CDC20B: variants seen among roughly 807,000 people sequenced by gnomAD.
CDC20B encodes the protein cell division cycle protein 20 homolog B.
Under a neutral mutation model 64.1 loss-of-function variants are expected in CDC20B, and 58 were observed. That is an observed-to-expected ratio of 0.90 (90% CI 0.73 to 1.13). CDC20B has a LOEUF of 1.13. CDC20B is among the 50% of genes most tolerant of loss of function. The pLI is 0.00. For synonymous variants in CDC20B, 243 were observed against 230.6 expected (o/e 1.05, Z -0.49); for missense variants, 597 against 633.0 (o/e 0.94, Z 0.61).
At chr5:55,144,635 G>A (rs530287114) in intron 3 of CDC20B, among the ~76,000 whole-genome samples, 1 of 152,316 alleles carries the variant, frequency 6.6e-6, no homozygotes, top group South Asian at 2.1e-4. Context: ...TCTTTGTCCT[G>A]AGAAATTATG....
chr5:55,160,428 C>T (rs1015089425), intron 2 of CDC20B: 1 of 1,546,186 alleles, frequency 6.5e-7, no homozygotes, highest in African/African-American at 1.4e-5. Context: ...TTATTGTTAT[C>T]ATTTTTCCTT....
Position 55,119,977 on chromosome 5 carries a change from T to C in CDC20B, c.1342-59A>G, listed in dbSNP as rs902957225. On this transcript the variant is annotated intron_variant, in intron 10 of 11. Transcript: ENST00000381375. ...AATTTCTGATTCCTTATGAATATAG[T>C]TAAACTGGTTACAGGCAGTATGCAC... is the stretch of plus-strand genomic sequence containing the variant. 4 of 1,254,130 alleles carry C rather than the reference T, an allele frequency of 3.2e-6. No individual in the cohort carries two copies. In the Admixed American group the frequency reaches 6.7e-5, roughly 21 times the overall value. 77.7% of individuals were successfully genotyped at this position (1,254,130 alleles called of 1,614,324 possible).
In CDC20B at chr5:55,172,633, C is replaced by T. The variant is rs763128998; in HGVS notation, c.81G>A (p.Val27=). ...EEMLWESIMR[V]LSKDLKQKRS... is the part of the protein sequence containing the mutation. ...TCTTCTGCTTCAAGTCTTTGGAGAG[C>T]ACACGCATGATACTTTCCTTTGAAA... The change falls in exon 2 of 12, where the codon GTG becomes GTA. Residue 27 remains valine, a synonymous_variant. Transcript: ENST00000381375. 6.2e-7 allele frequency: 1 copy of T among 1,612,372 alleles called. No individual in the cohort carries two copies. Among genetic ancestry groups the T allele is most frequent in the South Asian group, 1.1e-5 (1 of 91,042 alleles).
At chr5:55,119,553 C>T (rs1742706769) in intron 11 of CDC20B, among the ~76,000 whole-genome samples, 1 of 152,136 alleles carries the variant, frequency 6.6e-6, no homozygotes, top group African/African-American at 2.4e-5. Flanking sequence ...CCCAAGATCA[C>T]CACTCCATCA....
At chr5:55,132,501 C>T (rs1725213184) in intron 6 of CDC20B, among the ~76,000 whole-genome samples, 1 of 152,216 alleles carries the variant, frequency 6.6e-6, no homozygotes, top group Non-Finnish European at 1.5e-5. Context: ...ATCACCTCCT[C>T]TGCCAATCTG....
At chr5:55,125,344 C>G (rs903888) in intron 8 of CDC20B, among the ~76,000 whole-genome samples, 26,370 of 152,144 alleles carry the variant, frequency 0.17, 2,546 homozygotes, top group South Asian at 0.3. Context: ...TTCCCAAAGA[C>G]TAGTTTATAT....
chr5:55,154,863 T>A (rs1743766948), intron 2 of CDC20B, among the ~76,000 whole-genome samples: 1 of 152,238 alleles, frequency 6.6e-6, no homozygotes, highest in South Asian at 2.1e-4. Context: ...TACTCATTTG[T>A]TAGTATGAGT....
At chr5:55,139,560 G>C (rs2111862401) in intron 5 of CDC20B, among the ~76,000 whole-genome samples, 1 of 152,040 alleles carries the variant, frequency 6.6e-6, no homozygotes, top group East Asian at 1.9e-4. Context: ...TGAAAACTAA[G>C]GCAACTTTTA....
At chr5:55,147,170 A>C (rs981503924) in intron 2 of CDC20B, among the ~76,000 whole-genome samples, 43 of 140,824 alleles carry the variant, frequency 3.1e-4, no homozygotes, top group African/African-American at 1.1e-3. Context: ...AAACATAAAT[A>C]TGTTGTTTTA....
At chr5:55,159,877 G>A (rs894199000) in intron 2 of CDC20B, among the ~76,000 whole-genome samples, 2 of 152,204 alleles carry the variant, frequency 1.3e-5, no homozygotes, top group African/African-American at 2.4e-5. Flanking sequence ...GCCCTCCGTA[G>A]CTTTCGAGTT....
In CDC20B at chr5:55,172,483, T is replaced by G; in HGVS notation, c.126+105A>C. On this transcript the variant is annotated intron_variant, in intron 2 of 11. Coordinates refer to ENST00000381375, the MANE Select transcript of CDC20B (RefSeq NM_001170402.1). ...ATGTAATAAGATACTAAAATTCTCATATTTTCAGACCAGCTCAAACTTCCT... is the reference window on the plus strand; with the variant it reads ...ATGTAATAAGATACTAAAATTCTCAGATTTTCAGACCAGCTCAAACTTCCT... 1.4e-5 allele frequency: 13 copies of G among 921,482 alleles called. No homozygotes were observed. The South Asian group carries it at 1.7e-4, about 12-fold the overall frequency. 57.1% of individuals were successfully genotyped at this position (921,482 alleles called of 1,614,324 possible). A position where few individuals can be genotyped will look rare whatever the true frequency, so the allele number is the denominator to read the frequency against.
At chr5:55,134,016 G>A (rs1331398207) in intron 5 of CDC20B, among the ~76,000 whole-genome samples, 1 of 152,098 alleles carries the variant, frequency 6.6e-6, no homozygotes, top group African/African-American at 2.4e-5. Flanking sequence ...CAATACTGGA[G>A]TATTGTTAAT....
chr5:55,122,660 GTGT>G (rs1742787018), intron 9 of CDC20B, among the ~76,000 whole-genome samples: 2 of 152,164 alleles, frequency 1.3e-5, no homozygotes, highest in Non-Finnish European at 2.9e-5. Flanking sequence ...TTAATAAAAG[GTGT>G]TAACGCTTTC....
intron 5 of CDC20B, 78 bp downstream of exon 5, chr5:55,140,236 T>C: frequency 2.7e-6 from 2 of 735,972 alleles, no homozygotes; most frequent in South Asian, 2.4e-5. Flanking sequence ...AAAAATAATA[T>C]ATTTTAAGAT....
chr5:55,153,781 A>G (rs1743738550), intron 2 of CDC20B, among the ~76,000 whole-genome samples: 2 of 152,252 alleles, frequency 1.3e-5, no homozygotes, highest in African/African-American at 2.4e-5. Flanking sequence ...AAAGCAGCAA[A>G]ATTTAATTCA....
intron 8 of CDC20B, among the ~76,000 whole-genome samples, chr5:55,126,993 G>T (rs1742908595): frequency 1.3e-5 from 2 of 152,076 alleles, no homozygotes; most frequent in African/African-American, 2.4e-5. Context: ...GAAACCTTTT[G>T]CTTGAAGGGA....
In CDC20B at chr5:55,142,420, T is replaced by C. The variant is rs183863991; in HGVS notation, c.486+1093A>G. Among the ~76,000 whole-genome samples, 572 of 152,314 alleles carry C rather than the reference T, an allele frequency of 3.8e-3. 2 individuals carry two copies. The highest frequency in any genetic ancestry group is 7.1e-3 in the Non-Finnish European group (485 of 68,030). On this transcript the variant is annotated intron_variant, in intron 4 of 11. Coordinates refer to ENST00000381375, the MANE Select transcript of CDC20B (RefSeq NM_001170402.1). ...GTTCTTCAGTGATGCTGGGATGATG[T>C]TCCAGCTGGTATAACAATTGCTAAG...
chr5:55,173,021 C>A lies in CDC20B; in HGVS notation c.-21G>T, dbSNP rs1331204417. 1.2e-6 allele frequency: 2 copies of A among 1,604,554 alleles called. No individual in the cohort carries two copies. The highest frequency in any genetic ancestry group is 2.7e-5 in the African/African-American group (2 of 74,700). On this transcript the variant is annotated 5_prime_UTR_variant, in exon 1 of 12. Transcript: ENST00000381375. The stretch of plus-strand genomic sequence containing the variant: ...TCCATCTCCGGCTGACTTCGCCCTG[C>A]CTGGCGTTTGGCCTCTCTGCTCGAC...
intron 2 of CDC20B, chr5:55,160,237 A>G (rs1402732528): frequency 6.2e-7 from 1 of 1,614,040 alleles, no homozygotes; most frequent in Non-Finnish European, 8.5e-7. Flanking sequence ...CCGGGCCCAG[A>G]GCAAAGGTAT....
Sources: gnomAD v4.1 joint callset for allele counts (sites outside exome capture counted in the v4.1 genomes callset) on GRCh38, gnomAD v4.1.1 for gene constraint, MANE v1.5 for transcripts, NCBI Gene and HGNC (gene_info 2026-07-23, HGNC 2026-07-21) for gene names.